The following ASIC2 variants were observed in gnomAD, a reference collection of about 807,000 sequenced individuals.
ASIC2 encodes acid sensing ion channel subunit 2, also known as acid-sensing ion channel 2.
Under a neutral mutation model 57.3 loss-of-function variants are expected in ASIC2, and 25 were observed. The observed-to-expected ratio is 0.44, with a 90% CI of 0.32 to 0.61. The LOEUF is 0.61. ASIC2 is among the 20% of genes least tolerant of loss of function. The pLI is 0.06. For missense variants in ASIC2, 641 were observed against 738.1 expected (o/e 0.87, Z 1.52); for synonymous variants, 319 against 307.5 (o/e 1.04, Z -0.39).
chr17:33,608,033 G>A (rs1905272171), intron 1 of ASIC2, among the ~76,000 whole-genome samples: 1 of 152,126 alleles, frequency 6.6e-6, no homozygotes, highest in Non-Finnish European at 1.5e-5. Context: ...CAACCTAACG[G>A]ACAGAAGCAG....
At chr17:33,694,868 GTGTC>G (rs1325508953) in intron 1 of ASIC2, among the ~76,000 whole-genome samples, 2 of 152,010 alleles carry the variant, frequency 1.3e-5, no homozygotes, top group Non-Finnish European at 2.9e-5. Context: ...CTTGTCCTCC[GTGTC>G]TTCTCTTCTC....
chr17:33,590,413 T>C (rs1459523104), intron 1 of ASIC2, among the ~76,000 whole-genome samples: 1 of 152,122 alleles, frequency 6.6e-6, no homozygotes, highest in African/African-American at 2.4e-5. Context: ...GGGGGAGTCA[T>C]CCCAGCCCCC....
chr17:33,928,386 T>C (rs907787035), intron 1 of ASIC2, among the ~76,000 whole-genome samples: 1 of 152,098 alleles, frequency 6.6e-6, no homozygotes, highest in Non-Finnish European at 1.5e-5. Flanking sequence ...ACCAGAACTG[T>C]GCAGCTCTGT....
At chr17:33,536,734 C>T (rs749968725) in intron 1 of ASIC2, among the ~76,000 whole-genome samples, 13 of 152,236 alleles carry the variant, frequency 8.5e-5, no homozygotes, top group Non-Finnish European at 1.8e-4. Flanking sequence ...AGGCCAGGTG[C>T]AGTGGCTCAT....
chr17:33,361,653 A>G (rs1344659862), intron 1 of ASIC2, among the ~76,000 whole-genome samples: 1 of 152,190 alleles, frequency 6.6e-6, no homozygotes, highest in East Asian at 1.9e-4. Context: ...TCCCCATTTT[A>G]TAGTAAAAAG....
At chr17:33,921,505 G>A (rs1363397036) in intron 1 of ASIC2, among the ~76,000 whole-genome samples, 1 of 152,130 alleles carries the variant, frequency 6.6e-6, no homozygotes. Context: ...GGAGCTTCAA[G>A]GCAAGGGGAG....
chr17:33,516,104 CCAAAACAAAA>C (rs111917283), intron 1 of ASIC2, among the ~76,000 whole-genome samples: 7,204 of 144,586 alleles, frequency 0.05, 187 homozygotes, highest in Non-Finnish European at 0.059. Context: ...GATTCTGTCT[CCAAAACAAAA>C]CAAAACAAAA....
chr17:33,746,847 C>A (rs1910282812), intron 1 of ASIC2, among the ~76,000 whole-genome samples: 1 of 152,002 alleles, frequency 6.6e-6, no homozygotes, highest in Non-Finnish European at 1.5e-5. Context: ...AAAATATATT[C>A]ACTGATTACA....
intron 1 of ASIC2, among the ~76,000 whole-genome samples, chr17:33,365,636 C>G (rs974896417): frequency 1.3e-5 from 2 of 152,062 alleles, no homozygotes; most frequent in African/African-American, 4.8e-5. Flanking sequence ...TCAGAAGACC[C>G]TTAAACAAGT....
chr17:33,186,662 G>A (rs1906208880), intron 1 of ASIC2, among the ~76,000 whole-genome samples: 1 of 152,126 alleles, frequency 6.6e-6, no homozygotes, highest in African/African-American at 2.4e-5. Context: ...TTTGCAAAGG[G>A]GGCGAGAGCC....
chr17:33,755,468 C>T lies in ASIC2; in HGVS notation c.555+400510G>A, dbSNP rs1044578597. 2.6e-5 allele frequency among the ~76,000 whole-genome samples: 4 copies of T among 152,234 alleles called. No homozygotes were observed. The East Asian group carries it at 7.7e-4, about 29-fold the overall frequency. The stretch of plus-strand genomic sequence containing the variant: ...ATGTTTCCTTCCTGGTTTGGTTTAT[C>T]TTTCTGAGTCTCTCTTTGGGATGTC... On this transcript the variant is annotated intron_variant, in intron 1 of 9. Transcript: ENST00000359872.
intron 1 of ASIC2, among the ~76,000 whole-genome samples, chr17:34,148,943 GA>G (rs1397176345): frequency 6.6e-6 from 1 of 152,024 alleles, no homozygotes; most frequent in Non-Finnish European, 1.5e-5. Flanking sequence ...CATGACACCA[GA>G]TGCACAAAAA....
At chr17:33,062,540 T>A (rs959434857) in intron 3 of ASIC2, among the ~76,000 whole-genome samples, 2 of 152,228 alleles carry the variant, frequency 1.3e-5, no homozygotes, top group African/African-American at 2.4e-5. Context: ...TTTGTTATAA[T>A]TTCTGTTCTT....
At chr17:33,348,801 G>T (rs774894982) in intron 1 of ASIC2, among the ~76,000 whole-genome samples, 2 of 152,050 alleles carry the variant, frequency 1.3e-5, no homozygotes, top group Non-Finnish European at 2.9e-5. Flanking sequence ...GTGGTCAAAG[G>T]GGTGGGGTTT....
chr17:33,270,102 A>AT (rs556847457), intron 1 of ASIC2, among the ~76,000 whole-genome samples: 142 of 152,328 alleles, frequency 9.3e-4, no homozygotes, highest in East Asian at 7.7e-3. Flanking sequence ...ACAATGAGCG[A>AT]TTTTTTTGAA....
At chr17:33,311,727 T>C (rs1906433299) in intron 1 of ASIC2, among the ~76,000 whole-genome samples, 1 of 152,278 alleles carries the variant, frequency 6.6e-6, no homozygotes, top group Admixed American at 6.5e-5. Context: ...GAGGTCTCCT[T>C]TGAACACAGA....
chr17:33,923,944 G>T (rs1915766035), intron 1 of ASIC2, among the ~76,000 whole-genome samples: 1 of 152,162 alleles, frequency 6.6e-6, no homozygotes, highest in African/African-American at 2.4e-5. Context: ...AGGGAAGAGA[G>T]CCCCGGACTC....
intron 1 of ASIC2, among the ~76,000 whole-genome samples, chr17:33,196,478 A>T (rs1280252446): frequency 6.6e-6 from 1 of 152,150 alleles, no homozygotes; most frequent in African/African-American, 2.4e-5. Flanking sequence ...GCCTCCCAAA[A>T]GTCCAGACAG....
chr17:33,646,057 A>G (rs935950064), intron 1 of ASIC2, among the ~76,000 whole-genome samples: 1 of 152,124 alleles, frequency 6.6e-6, no homozygotes, highest in African/African-American at 2.4e-5. Context: ...ATCTCAAAGC[A>G]CTAATTTTTA....
Sources: gnomAD v4.1 joint callset for allele counts (sites outside exome capture counted in the v4.1 genomes callset) on GRCh38, gnomAD v4.1.1 for gene constraint, MANE v1.5 for transcripts, NCBI Gene and HGNC (gene_info 2026-07-23, HGNC 2026-07-21) for gene names.